The following WDR7 variants were observed in gnomAD, a reference collection of about 807,000 sequenced individuals.
The protein encoded by WDR7 is WD repeat-containing protein 7.
A neutral mutation model predicts 169.4 loss-of-function variants in WDR7; 46 were observed. The ratio of observed to expected loss-of-function variants is 0.27; its 90% CI spans 0.21 to 0.35. WDR7 has a LOEUF of 0.35. Among genes scored for constraint, WDR7 ranks in the 10% least tolerant of loss-of-function variants. The probability of loss-of-function intolerance (pLI) is 1.00; values close to 1 mark genes in which losing one functional copy is unlikely to be tolerated. For missense variants in WDR7, 1,534 were observed against 1,859.3 expected, an observed-to-expected ratio of 0.83 and a Z score of 3.22; for synonymous variants, 612 against 666.8, an observed-to-expected ratio of 0.92 and a Z score of 1.27.
At chr18:57,014,253 G>A (rs1049202613) in intron 26 of WDR7, among the ~76,000 whole-genome samples, 4 of 151,372 alleles carry the variant, frequency 2.6e-5, no homozygotes, top group Admixed American at 2.6e-4. Flanking sequence ...TTGAACCTTG[G>A]AGGCAGAGAT....
chr18:56,704,351 A>G (rs2025900888), intron 12 of WDR7, among the ~76,000 whole-genome samples: 1 of 149,774 alleles, frequency 6.7e-6, no homozygotes, highest in South Asian at 2.2e-4. Context: ...AGCCTGGGCA[A>G]CATAGTGAAA....
chr18:56,900,650 C>A (rs138190848), intron 21 of WDR7, among the ~76,000 whole-genome samples: 297 of 152,268 alleles, frequency 2.0e-3, no homozygotes, highest in African/African-American at 6.8e-3. Flanking sequence ...GTCAGTGATT[C>A]CTAGGGGAAC....
intron 12 of WDR7, among the ~76,000 whole-genome samples, chr18:56,701,840 G>A (rs1039727581): frequency 5.3e-5 from 8 of 152,184 alleles, no homozygotes; most frequent in Admixed American, 1.3e-4. Context: ...CAGCTTTTTG[G>A]TTCCCTTAAC....
intron 26 of WDR7, among the ~76,000 whole-genome samples, chr18:57,018,120 G>T (rs2145932370): frequency 6.6e-6 from 1 of 152,270 alleles, no homozygotes. Context: ...CTAACTTACT[G>T]AAGCAACCTT....
At chr18:56,959,848 C>G (rs540765256) in intron 25 of WDR7, among the ~76,000 whole-genome samples, 1 of 152,116 alleles carries the variant, frequency 6.6e-6, no homozygotes. Context: ...TACCATCCTT[C>G]GTCTTGACAG....
Position 56,696,229 on chromosome 18 carries a change from C to A in WDR7, c.1358-13C>A. 1 of 1,588,068 alleles carries A rather than the reference C, an allele frequency of 6.3e-7. No individual in the cohort carries two copies. The highest frequency in any genetic ancestry group is 8.6e-7 in the Non-Finnish European group (1 of 1,165,784). ...TTAATTTTCCCATTTTAAATCCAAA[C>A]CCTCATTCACAGGTTGGCCACCTCA... On this transcript the variant is annotated splice_polypyrimidine_tract_variant and intron_variant, in intron 11 of 27. Transcript: ENST00000254442.
At chr18:56,937,339 C>A (rs944307217) in intron 23 of WDR7, among the ~76,000 whole-genome samples, 5 of 151,558 alleles carry the variant, frequency 3.3e-5, no homozygotes, top group African/African-American at 1.2e-4. Flanking sequence ...CTAGCCTGGG[C>A]AACATAGTGA....
chr18:56,703,592 T>C (rs1410209066), intron 12 of WDR7, among the ~76,000 whole-genome samples: 1 of 152,156 alleles, frequency 6.6e-6, no homozygotes, highest in Non-Finnish European at 1.5e-5. Flanking sequence ...TTAATTCTCT[T>C]TGATTTTGAG....
At chr18:56,802,439 G>A (rs906893712) in intron 19 of WDR7, among the ~76,000 whole-genome samples, 1 of 151,628 alleles carries the variant, frequency 6.6e-6, no homozygotes, top group Non-Finnish European at 1.5e-5. Flanking sequence ...CTCACTGCAA[G>A]CTCTGCCTCC....
chr18:56,726,860 C>CT (rs1328403159), intron 13 of WDR7, among the ~76,000 whole-genome samples: 1 of 152,098 alleles, frequency 6.6e-6, no homozygotes. Flanking sequence ...ACAATCCTGT[C>CT]TGAGTCCTGG....
intron 2 of WDR7, among the ~76,000 whole-genome samples, chr18:56,675,740 A>G (rs482917): frequency 0.95 from 143,969 of 152,122 alleles, 68,623 homozygotes; most frequent in East Asian, 1. Flanking sequence ...CCATAACAAT[A>G]TTGAATAGAA....
Position 56,666,166 on chromosome 18 carries a change from A to T in WDR7, c.-19-6331A>T, listed in dbSNP as rs117948613. The stretch of plus-strand genomic sequence containing the variant: ...AAGATTTGGGCACATAGCATCCATC[A>T]TACTTAGGATACTATTTCATCTTCA... On this transcript the variant is annotated intron_variant, in intron 1 of 27. Transcript: ENST00000254442. Among the ~76,000 whole-genome samples, 610 of 143,268 alleles carry T rather than the reference A, an allele frequency of 4.3e-3. 5 individuals are homozygous for T. Among genetic ancestry groups the T allele is most frequent in the South Asian group, 0.029 (129 of 4,450 alleles). 94.0% of individuals were successfully genotyped at this position (143,268 alleles called of 152,430 possible).
At chr18:56,986,639 G>T (rs1199176498) in intron 26 of WDR7, among the ~76,000 whole-genome samples, 1 of 151,924 alleles carries the variant, frequency 6.6e-6, no homozygotes, top group Non-Finnish European at 1.5e-5. Context: ...AGACAACAAA[G>T]TTGTCCCTAA....
intron 19 of WDR7, among the ~76,000 whole-genome samples, chr18:56,809,759 G>C (rs2044837472): frequency 6.6e-6 from 1 of 151,958 alleles, no homozygotes; most frequent in African/African-American, 2.4e-5. Context: ...TTGTGACAGT[G>C]ATGTAGTGCC....
At chr18:57,003,193 C>T (rs2048007327) in intron 26 of WDR7, among the ~76,000 whole-genome samples, 1 of 150,784 alleles carries the variant, frequency 6.6e-6, no homozygotes, top group African/African-American at 2.4e-5. Context: ...GGATGAACTT[C>T]AGTAATTACC....
chr18:56,978,075 C>A (rs1333244926), intron 26 of WDR7, among the ~76,000 whole-genome samples: 1 of 152,170 alleles, frequency 6.6e-6, no homozygotes, highest in Non-Finnish European at 1.5e-5. Context: ...AACTTACATG[C>A]CATTATACCT....
In WDR7 at chr18:56,732,533, A is replaced by T. The variant is rs1302781467; in HGVS notation, c.1989+936A>T. 3.3e-5 allele frequency among the ~76,000 whole-genome samples: 5 copies of T among 152,288 alleles called. No homozygotes were observed. In the East Asian group the frequency reaches 7.7e-4, roughly 23 times the overall value. ...ATTAACCATGAGTTCGTGCGTGCTG[A>T]TGATACATGAAATACTGTAGGCAGT... On this transcript the variant is annotated intron_variant, in intron 14 of 27. Transcript: ENST00000254442.
Position 56,825,973 on chromosome 18 carries a change from A to G in WDR7, c.3304+9829A>G, listed in dbSNP as rs1279537321. 3.3e-5 allele frequency among the ~76,000 whole-genome samples: 5 copies of G among 152,340 alleles called. No individual in the cohort carries two copies. The South Asian group carries it at 6.2e-4, about 19-fold the overall frequency. On this transcript the variant is annotated intron_variant, in intron 20 of 27. Transcript: ENST00000254442. ...TTTTGAGTTTCGCATTAACTATTAT[A>G]TATTTCTTTTGCTAAATTTAGACCA...
intron 26 of WDR7, among the ~76,000 whole-genome samples, chr18:56,964,837 C>T (rs74454660): frequency 0.065 from 9,903 of 152,218 alleles, 332 homozygotes; most frequent in African/African-American, 0.084. Context: ...TCATTCAGAA[C>T]GTGAAAACAA....
Sources: gnomAD v4.1 joint callset for allele counts (sites outside exome capture counted in the v4.1 genomes callset) on GRCh38, gnomAD v4.1.1 for gene constraint, MANE v1.5 for transcripts, NCBI Gene and HGNC (gene_info 2026-07-23, HGNC 2026-07-21) for gene names.